The following CACNB2 variants were observed in gnomAD, a reference collection of about 807,000 sequenced individuals.
CACNB2 encodes voltage-dependent L-type calcium channel subunit beta-2.
Under a neutral mutation model 73.3 loss-of-function variants are expected in CACNB2, and 42 were observed. The ratio of observed to expected loss-of-function variants is 0.57; its 90% confidence interval spans 0.45 to 0.74. CACNB2 has a LOEUF of 0.74. Among genes scored for constraint, CACNB2 ranks in the 30% least tolerant of loss-of-function variants. CACNB2 has a pLI of 0.00. For synonymous variants in CACNB2, 348 were observed against 310.3 expected (o/e 1.12, Z -1.28); for missense variants, 940 against 853.0 (o/e 1.10, Z -1.27).
chr10:18,449,518 GT>G (rs2046913217), intron 3 of CACNB2, among the ~76,000 whole-genome samples: 1 of 152,192 alleles, frequency 6.6e-6, no homozygotes, highest in African/African-American at 2.4e-5. Flanking sequence ...GTCAGAGGGG[GT>G]TTGCTAAGAA....
rs74408347 is a variant in CACNB2, at chr10:18,248,393, G to A, written c.213+97418G>A. Among the ~76,000 whole-genome samples, 14 of 152,218 alleles carry A rather than the reference G, an allele frequency of 9.2e-5. No individual in the cohort carries two copies. The East Asian group carries it at 2.5e-3, about 27-fold the overall frequency. On this transcript the variant is annotated intron_variant, in intron 2 of 13. Transcript: ENST00000324631. ...GGTCTAATAATTAAAAAGTAATTGG[G>A]CAAATACATTTTTTGAAGTATTTTG...
At chr10:18,514,124 CA>C in intron 6 of CACNB2, 111 bp from the exon 7 acceptor site, 1 of 1,064,114 alleles carries the variant, frequency 9.4e-7, no homozygotes, top group Non-Finnish European at 1.4e-6. Flanking sequence ...CTGTGTTGAG[CA>C]CTCATGATAG....
intron 2 of CACNB2, among the ~76,000 whole-genome samples, chr10:18,194,515 T>C (rs1247600917): frequency 6.6e-6 from 1 of 152,234 alleles, no homozygotes; most frequent in Non-Finnish European, 1.5e-5. Context: ...CATGGGCTTC[T>C]GGTGTTGTGC....
chr10:18,173,243 T>C (rs2033372949), intron 2 of CACNB2, among the ~76,000 whole-genome samples: 1 of 152,214 alleles, frequency 6.6e-6, no homozygotes, highest in Non-Finnish European at 1.5e-5. Flanking sequence ...TATAAAGCTA[T>C]TTTGAGAAAT....
chr10:18,221,957 TAC>T (rs2035810008), intron 2 of CACNB2, among the ~76,000 whole-genome samples: 1 of 152,184 alleles, frequency 6.6e-6, no homozygotes. Context: ...TTTCATCTAC[TAC>T]ACAAAGGAGG....
At chr10:18,519,608 A>G (rs2051641926) in intron 9 of CACNB2, 1 of 426,238 alleles carries the variant, frequency 2.3e-6, no homozygotes, top group Non-Finnish European at 4.7e-6. Flanking sequence ...TCTCCTCATG[A>G]GTATTTCCTG....
intron 10 of CACNB2, among the ~76,000 whole-genome samples, chr10:18,530,902 T>C (rs1390207447): frequency 1.3e-5 from 2 of 152,190 alleles, no homozygotes; most frequent in Non-Finnish European, 2.9e-5. Flanking sequence ...ACGCTTCACT[T>C]CTGCCCCCCA....
chr10:18,423,467 C>A lies in CACNB2; in HGVS notation c.333+21424C>A, dbSNP rs1055689813. 1.1e-4 allele frequency among the ~76,000 whole-genome samples: 17 copies of A among 152,168 alleles called. 1 individual carries two copies. Among genetic ancestry groups the A allele is most frequent in the Non-Finnish European group, 2.1e-4 (14 of 68,038 alleles). On this transcript the variant is annotated intron_variant, in intron 3 of 13. Coordinates refer to ENST00000324631, the MANE Select transcript of CACNB2 (RefSeq NM_201596.3). ...AGTTCCTGACTAGCAGTTGCCAGGGCTTTCTGTGTCCTGCCATAAGCAACG... is the reference window on the plus strand; with the variant it reads ...AGTTCCTGACTAGCAGTTGCCAGGGATTTCTGTGTCCTGCCATAAGCAACG...
chr10:18,530,122 C>T (rs2052853279), intron 10 of CACNB2, among the ~76,000 whole-genome samples: 1 of 152,124 alleles, frequency 6.6e-6, no homozygotes, highest in African/African-American at 2.4e-5. Context: ...TACCCCCCAC[C>T]AGGTCCCTCC....
At chr10:18,332,604 C>T (rs2040848190) in intron 2 of CACNB2, among the ~76,000 whole-genome samples, 1 of 152,060 alleles carries the variant, frequency 6.6e-6, no homozygotes, top group Admixed American at 6.6e-5. Flanking sequence ...GAGGAAATCT[C>T]TTCAGATGGC....
intron 10 of CACNB2, among the ~76,000 whole-genome samples, chr10:18,531,288 A>G (rs1589722684): frequency 6.6e-6 from 1 of 152,258 alleles, no homozygotes; most frequent in East Asian, 1.9e-4. Flanking sequence ...CCTATCACCC[A>G]GGTATTAAGA....
chr10:18,180,915 G>C (rs1012248150), intron 2 of CACNB2, among the ~76,000 whole-genome samples: 6 of 151,066 alleles, frequency 4.0e-5, no homozygotes, highest in African/African-American at 1.5e-4. Context: ...GCAGTGAGCC[G>C]AGATCACACC....
At chr10:18,429,696 A>G in intron 3 of CACNB2, among the ~76,000 whole-genome samples, 1 of 147,528 alleles carries the variant, frequency 6.8e-6, no homozygotes, top group Non-Finnish European at 1.5e-5. Flanking sequence ...ATTAACCAAG[A>G]ATGATGTTGT....
chr10:18,538,298 C>A lies in CACNB2; in HGVS notation c.1421C>A (p.Pro474His), dbSNP rs759185685. The change falls in exon 13 of 14, where the codon CCT becomes CAT. Residue 474 changes from proline (P) to histidine (H), a missense_variant. Transcript: ENST00000324631. ...THPPSSSLPN[P>H]LLSRTLATSS... The stretch of plus-strand genomic sequence containing the variant: ...CCTCCCAGCAGTAGCCTCCCCAACC[C>A]TCTCCTTAGCCGTACATTAGCCACT... 1.9e-6 allele frequency: 3 copies of A among 1,614,076 alleles called. No individual in the cohort carries two copies. The highest frequency in any genetic ancestry group is 2.7e-5 in the African/African-American group (2 of 74,940).
At chr10:18,457,826 G>A (rs1474797573) in intron 3 of CACNB2, among the ~76,000 whole-genome samples, 1 of 152,092 alleles carries the variant, frequency 6.6e-6, no homozygotes, top group Non-Finnish European at 1.5e-5. Flanking sequence ...GGAGGCGGAG[G>A]TTGTGGTGAG....
intron 2 of CACNB2, among the ~76,000 whole-genome samples, chr10:18,291,452 G>A (rs981138168): frequency 3.9e-5 from 6 of 152,200 alleles, no homozygotes; most frequent in Admixed American, 1.3e-4. Context: ...ACTCCACTTC[G>A]GATGTTGTGG....
At chr10:18,196,234 C>G (rs1038050730) in intron 2 of CACNB2, among the ~76,000 whole-genome samples, 14 of 150,870 alleles carry the variant, frequency 9.3e-5, no homozygotes, top group Non-Finnish European at 2.1e-4. Flanking sequence ...TCAAAGTTGA[C>G]TTTAACCGAC....
At chr10:18,421,153 C>T (rs2045298575) in intron 3 of CACNB2, among the ~76,000 whole-genome samples, 1 of 152,050 alleles carries the variant, frequency 6.6e-6, no homozygotes, top group Non-Finnish European at 1.5e-5. Context: ...GAAAATCTAT[C>T]AATTCAAGTT....
At chr10:18,146,063 C>A (rs1307809832) in intron 1 of CACNB2, among the ~76,000 whole-genome samples, 32 of 152,058 alleles carry the variant, frequency 2.1e-4, no homozygotes, top group Admixed American at 2.1e-3. Flanking sequence ...TGAACTGAGC[C>A]ATATTATAAA....
Sources: allele counts gnomAD v4.1 joint callset (sites outside exome capture counted in the v4.1 genomes callset), GRCh38; gene constraint gnomAD v4.1.1; transcripts MANE v1.5; gene names NCBI Gene and HGNC (gene_info 2026-07-23, HGNC 2026-07-21).